NT5C1B: variants seen among roughly 807,000 people sequenced by gnomAD.
The protein encoded by NT5C1B is 5'-nucleotidase, cytosolic IB, also known as cytosolic 5'-nucleotidase 1B.
A neutral mutation model predicts 57.8 loss-of-function variants in NT5C1B; 44 were observed. That is an observed-to-expected ratio of 0.76 (90% confidence interval 0.60 to 0.98). The LOEUF is 0.98. Ranked by LOEUF, NT5C1B falls within the 50% of genes least tolerant of loss-of-function variation. The probability of loss-of-function intolerance (pLI) is 0.00; values close to 1 mark genes in which losing one functional copy is unlikely to be tolerated. For missense variants in NT5C1B, 742 were observed against 719.5 expected (o/e 1.03, Z -0.36); for synonymous variants, 284 against 282.6 (o/e 1.00, Z -0.05).
At chr2:18,588,082 T>C (rs996096755) in intron 1 of NT5C1B, among the ~76,000 whole-genome samples, 4 of 152,206 alleles carry the variant, frequency 2.6e-5, no homozygotes, top group Non-Finnish European at 5.9e-5. Context: ...CTTAATCTCA[T>C]ACAAATTTAT....
In NT5C1B at chr2:18,584,503, G is replaced by A; in HGVS notation, c.723+11C>T. 1 of 1,605,094 alleles carries A rather than the reference G, an allele frequency of 6.2e-7. No homozygotes were observed. The highest frequency in any genetic ancestry group is 8.5e-7 in the Non-Finnish European group (1 of 1,176,496). On this transcript the variant is annotated intron_variant, in intron 4 of 8. Coordinates refer to ENST00000304081, the Ensembl canonical transcript of NT5C1B. This position sits in a 1 kb window ranked among gnomAD's most constrained non-coding sequence, Gnocchi z 5.8. Reference sequence around the variant, plus strand: ...GGCGCCCCGGCTGCCAGGGGCGGCGGGCTGGCTCACCGGCCAGGGGCGCGA... The same window carrying A: ...GGCGCCCCGGCTGCCAGGGGCGGCGAGCTGGCTCACCGGCCAGGGGCGCGA...
At chr2:18,587,058 G>A (rs1666778654) in intron 2 of NT5C1B, 1 of 1,614,156 alleles carries the variant, frequency 6.2e-7, no homozygotes, top group Non-Finnish European at 8.5e-7. Context: ...AATACGTATT[G>A]TGTGGCAGGG....
intron 2 of NT5C1B, 177 bp downstream of exon 2, chr2:18,587,326 G>C (rs1037380452): frequency 2.0e-6 from 2 of 985,294 alleles, no homozygotes; most frequent in African/African-American, 3.5e-5. Context: ...ATGGATGGAG[G>C]GGAAGGCAGG....
At chr2:18,563,657 A>G in exon 9 of NT5C1B, 2 of 981,256 alleles carry the variant, frequency 2.0e-6, no homozygotes, top group Non-Finnish European at 2.8e-6. Flanking sequence ...GTTTTCCAAA[A>G]AATCAGGAGA....
chr2:18,576,199 A>G (rs1665656812), exon 8 of NT5C1B: 5 of 1,611,718 alleles, frequency 3.1e-6, no homozygotes, highest in Non-Finnish European at 4.2e-6. Context: ...CAAGAGGCTT[A>G]CTTTCACATA....
At chr2:18,582,887 T>C (rs1364472120) in exon 6 of NT5C1B, 1 of 1,613,910 alleles carries the variant, frequency 6.2e-7, no homozygotes, top group African/African-American at 1.3e-5. Flanking sequence ...TGACGCTGTT[T>C]ATAAGCCGCA....
At chr2:18,585,805 C>G (rs994345284) in intron 3 of NT5C1B, among the ~76,000 whole-genome samples, 6 of 152,116 alleles carry the variant, frequency 3.9e-5, no homozygotes, top group African/African-American at 1.2e-4. Flanking sequence ...GTCATTCGCT[C>G]TGCTTCCAAA....
chr2:18,584,268 AC>A lies in NT5C1B; in HGVS notation c.724-14del. On this transcript the variant is annotated splice_polypyrimidine_tract_variant and intron_variant, in intron 4 of 8. Transcript: ENST00000304081. The surrounding 1 kb of genome is among the most constrained non-coding windows in gnomAD (Gnocchi z 5.8). Reference sequence around the variant, plus strand: ...TCTTGGGTTTGGGCTGCAGAGAGGGACGCCAAAGGGAGGATAGTCACATAGC... The same window carrying A: ...TCTTGGGTTTGGGCTGCAGAGAGGGAGCCAAAGGGAGGATAGTCACATAGC... 6.2e-7 allele frequency: 1 copy of A among 1,611,382 alleles called. No homozygotes were observed. Among genetic ancestry groups the A allele is most frequent in the Non-Finnish European group, 8.5e-7 (1 of 1,178,230 alleles).
At chr2:18,580,079 A>G (rs1484317902) in intron 6 of NT5C1B, among the ~76,000 whole-genome samples, 2 of 152,186 alleles carry the variant, frequency 1.3e-5, no homozygotes, top group African/African-American at 2.4e-5. Context: ...CAAAACCACA[A>G]TGAGATTATC....
At chr2:18,585,315 T>C (rs1177360549) in intron 3 of NT5C1B, among the ~76,000 whole-genome samples, 1 of 152,192 alleles carries the variant, frequency 6.6e-6, no homozygotes, top group Admixed American at 6.5e-5. Context: ...GCTTGGCATA[T>C]ACCTACTCAG....
In NT5C1B at chr2:18,584,482, C is replaced by A; in HGVS notation, c.723+32G>T. On this transcript the variant is annotated intron_variant, in intron 4 of 8. Coordinates refer to ENST00000304081, the Ensembl canonical transcript of NT5C1B. The surrounding 1 kb of genome is among the most constrained non-coding windows in gnomAD (Gnocchi z 5.8). ...CTGGAAGAGGCTGCAAGGAAGGGCG[C>A]CCCGGCTGCCAGGGGCGGCGGGCTG... 6.3e-7 allele frequency: 1 copy of A among 1,592,040 alleles called. No homozygotes were observed.
intron 8 of NT5C1B, among the ~76,000 whole-genome samples, chr2:18,573,270 T>C (rs963418500): frequency 1.3e-5 from 2 of 152,102 alleles, no homozygotes; most frequent in African/African-American, 4.8e-5. Context: ...GGTGTGGAGA[T>C]AGGGTACTAG....
Position 18,584,742 on chromosome 2 carries a change from G to C in NT5C1B, c.495C>G (p.Arg165=), listed in dbSNP as rs1248330977. 6.2e-7 allele frequency: 1 copy of C among 1,613,524 alleles called. No individual in the cohort carries two copies. The highest frequency in any genetic ancestry group is 2.2e-5 in the East Asian group (1 of 44,862). Residue 165 remains arginine (R), a synonymous_variant, in exon 4 of 9, where the codon CGC becomes CGG. Coordinates refer to ENST00000304081, the Ensembl canonical transcript of NT5C1B. The surrounding 1 kb of genome is among the most constrained non-coding windows in gnomAD (Gnocchi z 5.8). ...CCAGCGGCTGCGAGTCCCGGGTCTGGCGGATTTCCCGCACGATGCCTTGGG... is the reference window on the plus strand; with the variant it reads ...CCAGCGGCTGCGAGTCCCGGGTCTGCCGGATTTCCCGCACGATGCCTTGGG...
At chr2:18,582,985 C>T in exon 6 of NT5C1B, 2 of 1,613,528 alleles carry the variant, frequency 1.2e-6, no homozygotes, top group Middle Eastern at 1.7e-4. Context: ...CTAGCATTGA[C>T]ATACTGTAGT....
chr2:18,586,305 G>A, exon 3 of NT5C1B: 1 of 1,614,176 alleles, frequency 6.2e-7, no homozygotes, highest in Non-Finnish European at 8.5e-7. Flanking sequence ...GAGCCTTGGT[G>A]GATGGGCTCC....
At chr2:18,575,257 A>C (rs1216404376) in intron 8 of NT5C1B, among the ~76,000 whole-genome samples, 1 of 152,062 alleles carries the variant, frequency 6.6e-6, no homozygotes. Context: ...AGAACTTTAT[A>C]ACACTAGGTC....
intron 6 of NT5C1B, among the ~76,000 whole-genome samples, chr2:18,577,736 G>A (rs1025621136): frequency 9.9e-5 from 15 of 151,272 alleles, no homozygotes; most frequent in Non-Finnish European, 1.9e-4. Flanking sequence ...TAACCTTAGA[G>A]CTAACAGAAG....
chr2:18,587,167 G>A (rs772799026), intron 2 of NT5C1B: 8 of 1,612,320 alleles, frequency 5.0e-6, no homozygotes, highest in African/African-American at 2.7e-5. Context: ...TTGACTGCAC[G>A]CCTCATCTGA....
chr2:18,564,212 A>G, intron 8 of NT5C1B, 93 bp from the exon 9 acceptor site: 1 of 1,390,212 alleles, frequency 7.2e-7, no homozygotes, highest in Non-Finnish European at 9.5e-7. Flanking sequence ...ATACAATACA[A>G]AGGATATAAT....
Sources: allele counts gnomAD v4.1 joint callset (sites outside exome capture counted in the v4.1 genomes callset), GRCh38; gene constraint gnomAD v4.1.1; non-coding constraint Gnocchi (gnomAD v3.1); transcripts MANE v1.5; gene names NCBI Gene and HGNC (gene_info 2026-07-23, HGNC 2026-07-21).